The following RAVER2 variants were observed in gnomAD, a reference collection of about 807,000 sequenced individuals.
RAVER2 encodes the protein ribonucleoprotein PTB-binding 2.
A neutral mutation model predicts 78.1 loss-of-function variants in RAVER2; 46 were observed. That is an observed-to-expected ratio of 0.59 (90% CI 0.46 to 0.75). The LOEUF is 0.75. RAVER2 is among the 30% of genes least tolerant of loss of function. RAVER2 has a pLI of 0.00. For missense variants in RAVER2, 793 were observed against 837.5 expected, an observed-to-expected ratio of 0.95 and a Z score of 0.66; for synonymous variants, 311 against 313.3, an observed-to-expected ratio of 0.99 and a Z score of 0.08.
intron 4 of RAVER2, among the ~76,000 whole-genome samples, chr1:64,782,738 G>T (rs1431558238): frequency 1.3e-5 from 2 of 152,200 alleles, no homozygotes; most frequent in Non-Finnish European, 2.9e-5. Flanking sequence ...ATATGAGGAT[G>T]CTTGGATGTA....
In RAVER2 at chr1:64,794,701, GTCT is replaced by G. The variant is rs1453797457; in HGVS notation, c.1105+5192_1105+5194del. Among the ~76,000 whole-genome samples the G allele has an allele frequency of 1.2e-4, 18 of 152,082 alleles. No homozygotes were observed. In the South Asian group the frequency reaches 1.7e-3, roughly 14 times the overall value. On this transcript the variant is annotated intron_variant, in intron 5 of 11. Coordinates refer to ENST00000294428, the Ensembl canonical transcript of RAVER2. ...GCACGTGTTAAAAACTGAGTTGTTTGTCTTCTTATCAAGTTGTAAGAGTGTTTT... is the reference window on the plus strand; with the variant it reads ...GCACGTGTTAAAAACTGAGTTGTTTGTCTTATCAAGTTGTAAGAGTGTTTT...
At chr1:64,822,156 T>C (rs1005946331) in intron 11 of RAVER2, among the ~76,000 whole-genome samples, 4 of 151,938 alleles carry the variant, frequency 2.6e-5, no homozygotes, top group Non-Finnish European at 4.4e-5. Context: ...GGTGTGGTGG[T>C]GGGCGCCTGT....
intron 4 of RAVER2, among the ~76,000 whole-genome samples, chr1:64,781,914 T>A (rs952423162): frequency 3.3e-5 from 5 of 152,170 alleles, no homozygotes; most frequent in Admixed American, 1.3e-4. Flanking sequence ...TCTTTTTTTT[T>A]AAATTTTGAA....
At chr1:64,813,815 G>C (rs532432872) in intron 10 of RAVER2, among the ~76,000 whole-genome samples, 2 of 135,350 alleles carry the variant, frequency 1.5e-5, no homozygotes, top group Non-Finnish European at 3.1e-5. Context: ...TATATGCCTT[G>C]TTTTAGAGAC....
intron 8 of RAVER2, among the ~76,000 whole-genome samples, chr1:64,806,119 A>C (rs1653412126): frequency 6.6e-6 from 1 of 152,256 alleles, no homozygotes; most frequent in Admixed American, 6.5e-5. Context: ...AATCTGACTT[A>C]GTTGTCAAAA....
chr1:64,832,321 G>C (rs1654168550), exon 12 of RAVER2: 2 of 152,542 alleles, frequency 1.3e-5, no homozygotes, highest in African/African-American at 4.8e-5. Flanking sequence ...TAGTGTGTTA[G>C]GGTGAAAAAT....
chr1:64,781,553 G>A, exon 4 of RAVER2: 1 of 1,612,748 alleles, frequency 6.2e-7, no homozygotes, highest in Non-Finnish European at 8.5e-7. Flanking sequence ...TAGCAGCATT[G>A]ATAGCGGCTC....
At chr1:64,814,455 G>A (rs1181626534) in intron 10 of RAVER2, among the ~76,000 whole-genome samples, 3 of 152,018 alleles carry the variant, frequency 2.0e-5, no homozygotes, top group African/African-American at 4.8e-5. Context: ...CATGAGACAG[G>A]TGTCCATTTT....
chr1:64,820,347 A>G (rs993719239), intron 11 of RAVER2, among the ~76,000 whole-genome samples: 1 of 152,226 alleles, frequency 6.6e-6, no homozygotes. Context: ...AACAGTAGTA[A>G]TAATTATATC....
At chr1:64,791,366 T>C (rs1557596169) in intron 5 of RAVER2, among the ~76,000 whole-genome samples, 3 of 152,320 alleles carry the variant, frequency 2.0e-5, no homozygotes, top group East Asian at 3.9e-4. Context: ...TGATATCACA[T>C]GATGCAAAGC....
chr1:64,767,378 A>G (rs1375932764), intron 1 of RAVER2, among the ~76,000 whole-genome samples: 1 of 152,070 alleles, frequency 6.6e-6, no homozygotes, highest in South Asian at 2.1e-4. Context: ...AGCCAGACAG[A>G]TAGAGTGAAT....
intron 9 of RAVER2, among the ~76,000 whole-genome samples, chr1:64,810,327 G>A (rs1570575849): frequency 1.3e-5 from 2 of 152,252 alleles, no homozygotes; most frequent in South Asian, 4.1e-4. Context: ...TGAGAGGCTG[G>A]GAATTCTAAG....
At chr1:64,818,333 G>A (rs1570582176) in intron 11 of RAVER2, among the ~76,000 whole-genome samples, 4 of 152,086 alleles carry the variant, frequency 2.6e-5, no homozygotes, top group South Asian at 2.1e-4. Flanking sequence ...TCAGGAGATC[G>A]AGACCATCCT....
At chr1:64,788,791 C>CA (rs35159558) in intron 4 of RAVER2, among the ~76,000 whole-genome samples, 27,511 of 109,574 alleles carry the variant, frequency 0.25, 3,189 homozygotes, top group East Asian at 0.39. Flanking sequence ...GACTCCGTCT[C>CA]AAAAAAAAAA....
Position 64,762,391 on chromosome 1 carries a change from G to GT in RAVER2, c.250-6255dup, listed in dbSNP as rs1307326867. Among the ~76,000 whole-genome samples the GT allele has an allele frequency of 2.9e-3, 420 of 143,764 alleles. 1 individual carries two copies. The highest frequency in any genetic ancestry group is 7.7e-3 in the African/African-American group (304 of 39,302). The allele number at this position is 143,764 out of a possible 152,430, so 94.3% of individuals were successfully genotyped here. A position where few individuals can be genotyped will look rare whatever the true frequency, so the allele number is the denominator to read the frequency against. ...TGGAATCCACTCAAAATCCTAGTAG[G>GT]TTTTTTTTTTAATGAAAACTGATTC... On this transcript the variant is annotated intron_variant, in intron 1 of 11. Transcript: ENST00000294428.
chr1:64,756,048 A>G (rs1226299406), intron 1 of RAVER2, among the ~76,000 whole-genome samples: 1 of 151,998 alleles, frequency 6.6e-6, no homozygotes. Flanking sequence ...TGTCCCATCA[A>G]TGTCCTTTAC....
chr1:64,785,480 G>A (rs997708710), intron 4 of RAVER2, among the ~76,000 whole-genome samples: 1 of 150,550 alleles, frequency 6.6e-6, no homozygotes, highest in Non-Finnish European at 1.5e-5. Flanking sequence ...AGCGACTCTC[G>A]TGCCTCAGCC....
At chr1:64,822,733 A>C (rs1653917789) in intron 11 of RAVER2, among the ~76,000 whole-genome samples, 1 of 152,240 alleles carries the variant, frequency 6.6e-6, no homozygotes, top group Non-Finnish European at 1.5e-5. Context: ...AAATGTGTAC[A>C]TGCATTGGCA....
intron 11 of RAVER2, chr1:64,815,817 C>G (rs1354295461): frequency 2.0e-5 from 3 of 152,112 alleles, no homozygotes; most frequent in African/African-American, 7.2e-5. Context: ...TCTTATATAC[C>G]TGGGACAAGA....
Sources: allele counts gnomAD v4.1 joint callset (sites outside exome capture counted in the v4.1 genomes callset), GRCh38; gene constraint gnomAD v4.1.1; transcripts MANE v1.5; gene names NCBI Gene and HGNC (gene_info 2026-07-23, HGNC 2026-07-21).